The following DHRS1 variants were observed in gnomAD, a reference collection of about 807,000 sequenced individuals.
The protein encoded by DHRS1 is dehydrogenase/reductase SDR family member 1.
A neutral mutation model predicts 35.2 loss-of-function variants in DHRS1; 34 were observed. That is an observed-to-expected ratio of 0.97 (90% CI 0.74 to 1.29). DHRS1 has a LOEUF of 1.29. Among genes scored for constraint, DHRS1 ranks in the 50% most tolerant of loss-of-function variants. The probability of loss-of-function intolerance (pLI) is 0.00; values close to 1 mark genes in which losing one functional copy is unlikely to be tolerated. For missense variants in DHRS1, 354 were observed against 403.6 expected (o/e 0.88, Z 1.05); for synonymous variants, 133 against 160.0 (o/e 0.83, Z 1.27).
chr14:24,292,592 G>A (rs1176763011), intron 5 of DHRS1, 60 bp downstream of exon 5: 1 of 1,613,594 alleles, frequency 6.2e-7, no homozygotes, highest in African/African-American at 1.3e-5. Flanking sequence ...TGTACCTCCT[G>A]AGCTATAGGT....
intron 4 of DHRS1, 106 bp from the exon 5 acceptor site, chr14:24,292,890 G>A: frequency 7.0e-7 from 1 of 1,438,116 alleles, no homozygotes; most frequent in Non-Finnish European, 9.2e-7. Flanking sequence ...TGTCCACTAG[G>A]AAGGCTACAC....
Position 24,290,967 on chromosome 14 carries a change from C to G in DHRS1, c.834G>C (p.Leu278Phe). ...CGGACACGTGTGAGAGAACAGAGCT[C>G]AAAGACAAATAGTCTTGGACGGGGC... ...DGRPVQDYLSLSSVLSHVSGL... is the reference protein window; with the variant it reads ...DGRPVQDYLSFSSVLSHVSGL... Residue 278 changes from leucine to phenylalanine, a missense_variant, in exon 9 of 9, where the codon TTG (leucine) becomes TTC (phenylalanine). Transcript: ENST00000288111. 6.2e-7 allele frequency: 1 copy of G among 1,614,094 alleles called. No homozygotes were observed. The highest frequency in any genetic ancestry group is 8.5e-7 in the Non-Finnish European group (1 of 1,180,032).
At chr14:24,298,050 T>TA (rs1418185327) in intron 2 of DHRS1, among the ~76,000 whole-genome samples, 1 of 152,118 alleles carries the variant, frequency 6.6e-6, no homozygotes, top group African/African-American at 2.4e-5. Context: ...CATTTTTAAT[T>TA]AAAATTTTTT....
rs781751725 is a variant in DHRS1 at position 24,291,563 on chromosome 14, C to T, written c.717G>A (p.Leu239=). 6.2e-7 allele frequency: 1 copy of T among 1,614,226 alleles called. No homozygotes were observed. The highest frequency in any genetic ancestry group is 1.1e-5 in the South Asian group (1 of 91,080). Residue 239 remains leucine (L), a synonymous_variant, in exon 7 of 9, where the codon TTG becomes TTA. Transcript: ENST00000288111. ...TELSGKCVVA[L]ATDPNILSLS... is the part of the protein sequence containing the mutation. ...GCTGCCCCCAAACTTCACCTGTTGCCAAAGCCACCACACATTTGCCACTCA... is the reference window on the plus strand; with the variant it reads ...GCTGCCCCCAAACTTCACCTGTTGCTAAAGCCACCACACATTTGCCACTCA...
At position 24,292,729 on chromosome 14, in the gene DHRS1, C is replaced by G. The variant is rs755221032; in HGVS notation, c.430G>C (p.Gly144Arg). 1.2e-6 allele frequency: 2 copies of G among 1,614,030 alleles called. No homozygotes were observed. The highest frequency in any genetic ancestry group is 1.7e-6 in the Non-Finnish European group (2 of 1,180,014). The change falls in exon 5 of 9, where the codon GGG becomes CGG. Residue 144 changes from glycine (G) to arginine (R), a missense_variant. Physicochemically the swap from Gly to Arg is moderately radical, Grantham distance 125. Coordinates refer to ENST00000288111, the MANE Select transcript of DHRS1 (RefSeq NM_001136050.3). ...GARLMVPAGQ[G>R]LIVVISSPGS... ...GGGGAGGAGATGACCACGATGAGCC[C>G]CTGGCCAGCTGGTACCATCAGCCGT...
At position 24,291,747 on chromosome 14, in the gene DHRS1, A is replaced by G. The variant is rs758445482; in HGVS notation, c.655-122T>C. ...AAGACCAAAGAGGCCAAAGACCTCAAGCAGGGCCTGTAGGACCCAAAGTAT... is the reference window on the plus strand; with the variant it reads ...AAGACCAAAGAGGCCAAAGACCTCAGGCAGGGCCTGTAGGACCCAAAGTAT... On this transcript the variant is annotated intron_variant, in intron 6 of 8. Transcript: ENST00000288111. The G allele has an allele frequency of 5.7e-6, 6 of 1,052,916 alleles. No homozygotes were observed. The Admixed American group carries it at 1.1e-4, about 19-fold the overall frequency. 65.2% of individuals were successfully genotyped at this position (1,052,916 alleles called of 1,614,324 possible). A position where few individuals can be genotyped will look rare whatever the true frequency, so the allele number is the denominator to read the frequency against.
At chr14:24,291,481 G>T (rs2041156871) in intron 7 of DHRS1, 75 bp downstream of exon 7, 2 of 1,496,826 alleles carry the variant, frequency 1.3e-6, no homozygotes, top group African/African-American at 2.8e-5. Flanking sequence ...TCCCGAGCCA[G>T]ATCTGGGCAC....
chr14:24,290,719 C>T lies in DHRS1; in HGVS notation c.*140G>A, dbSNP rs1034868419. Reference sequence around the variant, plus strand: ...AGGGACCTAGGCGCACCCCAGAACTCACCACGGACACACAGCAGAGGGCTT... The same window carrying T: ...AGGGACCTAGGCGCACCCCAGAACTTACCACGGACACACAGCAGAGGGCTT... On this transcript the variant is annotated 3_prime_UTR_variant, in exon 9 of 9. Transcript: ENST00000288111. 1.9e-5 allele frequency: 21 copies of T among 1,111,538 alleles called. No homozygotes were observed. Among genetic ancestry groups the T allele is most frequent in the Non-Finnish European group, 2.6e-5 (20 of 764,254 alleles). The allele number at this position is 1,111,538 out of a possible 1,614,324, so 68.9% of individuals were successfully genotyped here.
chr14:24,299,163 C>G, intron 1 of DHRS1, 33 bp from the exon 2 acceptor site: 1 of 1,568,658 alleles, frequency 6.4e-7, no homozygotes, highest in Non-Finnish European at 8.7e-7. Context: ...TGAGGGAAGC[C>G]TGGAGACTGT....
rs1220545110 is a variant in DHRS1 at position 24,290,896 on chromosome 14, G to A, written c.905C>T (p.Pro302Leu). ...AGTGTAGAGGGCAATAATCCACTTG[G>A]GCACACGGAGGAAGGAGGGCAGGTA... is the stretch of plus-strand genomic sequence containing the variant. ...ASYLPSFLRV[P>L]KWIIALYTSK... Residue 302 changes from proline to leucine, a missense_variant, in exon 9 of 9, where the codon CCC becomes CTC. By Grantham distance (98) the Pro-to-Leu change is moderately conservative. Coordinates refer to ENST00000288111, the MANE Select transcript of DHRS1 (RefSeq NM_001136050.3). 4 of 1,613,878 alleles carry A rather than the reference G, an allele frequency of 2.5e-6. No homozygotes were observed. The Admixed American group carries it at 5.0e-5, about 20-fold the overall frequency.
In DHRS1 at chr14:24,291,502, C is replaced by T. The variant is rs376373173; in HGVS notation, c.724+54G>A. On this transcript the variant is annotated intron_variant, in intron 7 of 8. Coordinates refer to ENST00000288111, the MANE Select transcript of DHRS1 (RefSeq NM_001136050.3). ...GCCAGATCTGGGCACTGGATGCTAC[C>T]GCACTACACATCCTCCATGCCCTTT... The T allele has an allele frequency of 6.0e-5, 94 of 1,563,990 alleles. No individual in the cohort carries two copies. In the African/African-American group the frequency reaches 8.5e-4, roughly 14 times the overall value.
Position 24,291,159 on chromosome 14 carries a change from T to C in DHRS1, c.785A>G (p.Tyr262Cys), listed in dbSNP as rs1433697617. The C allele has an allele frequency of 1.9e-6, 3 of 1,614,094 alleles. No individual in the cohort carries two copies. The highest frequency in any genetic ancestry group is 2.2e-5 in the South Asian group (2 of 91,076). ...VLPSCDLARR[Y>C]GLRDVDGRPV... ...CTCACCGTCCACATCCCGAAGGCCA[T>C]AGCGTCGAGCAAGGTCACAGGATGG... The change falls in exon 8 of 9, where the codon TAT becomes TGT. Residue 262 changes from tyrosine to cysteine, a missense_variant. Coordinates refer to ENST00000288111, the MANE Select transcript of DHRS1 (RefSeq NM_001136050.3).
Position 24,291,631 on chromosome 14 carries a change from A to G in DHRS1, c.655-6T>C, listed in dbSNP as rs1272392409. ...GATGAGAAGGCTGATTTGAACTGAA[A>G]CACAGGGGCAGAGAAGTGAAGGGTT... On this transcript the variant is annotated splice_region_variant and splice_polypyrimidine_tract_variant and intron_variant, in intron 6 of 8. Coordinates refer to ENST00000288111, the MANE Select transcript of DHRS1 (RefSeq NM_001136050.3). 2.5e-6 allele frequency: 4 copies of G among 1,614,080 alleles called. No homozygotes were observed. The highest frequency in any genetic ancestry group is 2.5e-6 in the Non-Finnish European group (3 of 1,179,896).
At position 24,296,688 on chromosome 14, in the gene DHRS1, C is replaced by T. The variant is rs543965252; in HGVS notation, c.294+50G>A. 6 of 1,613,674 alleles carry T rather than the reference C, an allele frequency of 3.7e-6. No individual in the cohort carries two copies. In the East Asian group the frequency reaches 1.1e-4, roughly 30 times the overall value. On this transcript the variant is annotated intron_variant, in intron 3 of 8. Coordinates refer to ENST00000288111, the MANE Select transcript of DHRS1 (RefSeq NM_001136050.3). ...TGAGTGGGGATGAAGATGCAGGGGT[C>T]TGAGGGGGAGGTCAGAAATGTGGAG...
chr14:24,296,702 A>G, intron 3 of DHRS1, 36 bp downstream of exon 3: 3 of 1,614,124 alleles, frequency 1.9e-6, no homozygotes, highest in Non-Finnish European at 2.5e-6. Flanking sequence ...GGGGGAGGTC[A>G]GAAATGTGGA....
Position 24,299,706 on chromosome 14 carries a change from G to A in DHRS1, c.-150C>T. ...GGATTGATTCTGTAGTAGGACCCGG[G>A]GCGATTCTGTGCTGAGGTAGAGGGG... On this transcript the variant is annotated 5_prime_UTR_variant, in exon 1 of 9. Transcript: ENST00000288111. 1 of 470,474 alleles carries A rather than the reference G, an allele frequency of 2.1e-6. No individual in the cohort carries two copies. The highest frequency in any genetic ancestry group is 3.3e-5 in the East Asian group (1 of 30,530). The allele number at this position is 470,474 out of a possible 1,614,324, so 29.1% of individuals were successfully genotyped here.
At chr14:24,291,529 T>C in intron 7 of DHRS1, 27 bp downstream of exon 7, 6 of 1,613,518 alleles carry the variant, frequency 3.7e-6, no homozygotes, top group Non-Finnish European at 4.2e-6. Context: ...ATGCCCTTTC[T>C]TATTACCAGC....
intron 4 of DHRS1, chr14:24,293,242 T>C (rs1322918555): frequency 6.5e-6 from 1 of 154,782 alleles, no homozygotes; most frequent in Non-Finnish European, 1.4e-5. Context: ...GAGGAATTGA[T>C]AAAATAATCT....
chr14:24,297,233 T>C (rs2041265897), intron 2 of DHRS1, among the ~76,000 whole-genome samples: 1 of 152,232 alleles, frequency 6.6e-6, no homozygotes, highest in South Asian at 2.1e-4. Flanking sequence ...TTCCTTGTTG[T>C]GGTCATTTCC....
Sources: allele counts gnomAD v4.1 joint callset (sites outside exome capture counted in the v4.1 genomes callset), GRCh38; gene constraint gnomAD v4.1.1; transcripts MANE v1.5; gene names NCBI Gene and HGNC (gene_info 2026-07-23, HGNC 2026-07-21).